The following NFIA variants were observed in gnomAD, a reference collection of about 807,000 sequenced individuals.
The protein encoded by NFIA is nuclear factor I A, also known as nuclear factor 1 A-type.
A neutral mutation model predicts 62.8 loss-of-function variants in NFIA; 8 were observed. The observed-to-expected ratio is 0.13, with a 90% CI of 0.07 to 0.23. The LOEUF (loss-of-function observed/expected upper bound fraction) is 0.23. NFIA is among the 10% of genes least tolerant of loss of function. The pLI, the probability that NFIA is intolerant of heterozygous loss-of-function variation, is 1.00. For missense variants in NFIA, 410 were observed against 642.1 expected (o/e 0.64, Z 3.91); for synonymous variants, 235 against 238.1 (o/e 0.99, Z 0.12).
chr1:61,381,008 A>T (rs1370589584), intron 6 of NFIA, among the ~76,000 whole-genome samples: 2 of 152,124 alleles, frequency 1.3e-5, no homozygotes, highest in South Asian at 2.1e-4. Context: ...TGAATTTTTC[A>T]AAGAAATCAT....
At chr1:61,290,734 A>T (rs935958399) in intron 3 of NFIA, among the ~76,000 whole-genome samples, 7 of 152,218 alleles carry the variant, frequency 4.6e-5, no homozygotes, top group South Asian at 2.1e-4. Context: ...GCAACACAAT[A>T]TCATGAAAGG....
At chr1:61,077,376 G>C, upstream of NFIA, 1 of 377,066 alleles carries the variant, frequency 2.7e-6, no homozygotes, top group Non-Finnish European at 4.7e-6. Flanking sequence ...GCGAGCGAGC[G>C]AGCGAGAGCG....
chr1:61,135,790 C>T (rs929554215), intron 2 of NFIA, among the ~76,000 whole-genome samples: 13 of 152,132 alleles, frequency 8.5e-5, no homozygotes, highest in African/African-American at 3.1e-4. Flanking sequence ...GACAGTCATC[C>T]AGGTTTACTG....
chr1:61,117,894 G>C lies in NFIA; in HGVS notation c.559+29214G>C, dbSNP rs374090121. Reference sequence around the variant, plus strand: ...AGTGGGGCACAAATTATGGAACATCGTCTGGCTGGCCGGGCGTGGTGGCTC... The same window carrying C: ...AGTGGGGCACAAATTATGGAACATCCTCTGGCTGGCCGGGCGTGGTGGCTC... On this transcript the variant is annotated intron_variant, in intron 2 of 10. Transcript: ENST00000403491. Among the ~76,000 whole-genome samples, 5 of 152,082 alleles carry C rather than the reference G, an allele frequency of 3.3e-5. No individual in the cohort carries two copies. The South Asian group carries it at 1.0e-3, about 32-fold the overall frequency.
intron 2 of NFIA, among the ~76,000 whole-genome samples, chr1:61,129,952 G>A (rs547709928): frequency 1.3e-5 from 2 of 152,268 alleles, no homozygotes; most frequent in East Asian, 1.9e-4. Flanking sequence ...GAGGGGATGC[G>A]CCTGTTAGAG....
intron 2 of NFIA, among the ~76,000 whole-genome samples, chr1:61,131,946 C>G (rs188776411): frequency 6.6e-6 from 1 of 152,174 alleles, no homozygotes; most frequent in Admixed American, 6.5e-5. Flanking sequence ...GCCCAGAAAA[C>G]CTCTACAGCT....
At chr1:61,233,752 C>T (rs1331648513) in intron 2 of NFIA, among the ~76,000 whole-genome samples, 1 of 152,164 alleles carries the variant, frequency 6.6e-6, no homozygotes, top group African/African-American at 2.4e-5. Context: ...AAACCTAGCA[C>T]AGTGCCGACG....
At chr1:61,127,761 A>C (rs1472201144) in intron 2 of NFIA, among the ~76,000 whole-genome samples, 2 of 152,204 alleles carry the variant, frequency 1.3e-5, no homozygotes, top group South Asian at 2.1e-4. Flanking sequence ...TTAAAAAAAA[A>C]GTATCCTTAA....
chr1:61,226,503 T>C (rs7515011), intron 2 of NFIA, among the ~76,000 whole-genome samples: 15,445 of 152,146 alleles, frequency 0.1, 1,107 homozygotes, highest in African/African-American at 0.19. Context: ...ACCCTGCTTC[T>C]CAGGGATTGC....
chr1:61,282,692 A>AGATAGTT (rs1392435580), intron 3 of NFIA, among the ~76,000 whole-genome samples: 2 of 152,182 alleles, frequency 1.3e-5, no homozygotes, highest in African/African-American at 4.8e-5. Context: ...GTTATCCGTG[A>AGATAGTT]AAGCATCCTT....
intron 2 of NFIA, among the ~76,000 whole-genome samples, chr1:61,160,968 G>T (rs1649157285): frequency 1.3e-5 from 2 of 152,194 alleles, no homozygotes; most frequent in Admixed American, 1.3e-4. Context: ...AGGCTGGAGT[G>T]CAGTGGCACA....
At chr1:61,132,692 CAGG>C (rs1647102367) in intron 2 of NFIA, 1 of 152,174 alleles carries the variant, frequency 6.6e-6, no homozygotes, top group Admixed American at 6.5e-5. Flanking sequence ...GTTTCTTTTT[CAGG>C]AGGAGTTGGA....
At chr1:61,189,524 G>C (rs1333298252) in intron 2 of NFIA, among the ~76,000 whole-genome samples, 1 of 151,976 alleles carries the variant, frequency 6.6e-6, no homozygotes, top group African/African-American at 2.4e-5. Context: ...AATTAGCTGG[G>C]CATGGTGGCG....
chr1:61,418,605 T>C (rs1166630437), intron 9 of NFIA, among the ~76,000 whole-genome samples: 1 of 152,240 alleles, frequency 6.6e-6, no homozygotes, highest in Non-Finnish European at 1.5e-5. Flanking sequence ...ATGATTCTTA[T>C]TTTGTCTTAT....
At chr1:61,082,279 A>G, upstream of NFIA, 1 of 334,108 alleles carries the variant, frequency 3.0e-6, no homozygotes. Flanking sequence ...AGAGCCGGGG[A>G]GCGAGCGAGC....
chr1:61,106,663 CTTA>C (rs1408305691), intron 2 of NFIA, among the ~76,000 whole-genome samples: 1 of 151,568 alleles, frequency 6.6e-6, no homozygotes, highest in African/African-American at 2.4e-5. Flanking sequence ...GGTTTAATTT[CTTA>C]TTTTCACTTT....
intron 10 of NFIA, among the ~76,000 whole-genome samples, chr1:61,447,701 A>T (rs1489175409): frequency 6.6e-6 from 1 of 152,194 alleles, no homozygotes; most frequent in African/African-American, 2.4e-5. Context: ...GATAGAATCT[A>T]TTTTTCATGA....
rs17121859 is a variant in NFIA at position 61,248,565 on chromosome 1, G to A, written c.560-28955G>A. Among the ~76,000 whole-genome samples, 162 of 152,254 alleles carry A rather than the reference G, an allele frequency of 1.1e-3. 4 individuals carry two copies. The East Asian group carries it at 0.029, about 27-fold the overall frequency. On this transcript the variant is annotated intron_variant, in intron 2 of 10. Transcript: ENST00000403491. The stretch of plus-strand genomic sequence containing the variant: ...GAGCACAGCTGCTTCCTATTGTTAA[G>A]TTGCACCGGAGAGCTCTGAGACAAT...
chr1:61,317,286 C>T (rs550360885), intron 3 of NFIA, among the ~76,000 whole-genome samples: 52 of 152,136 alleles, frequency 3.4e-4, no homozygotes, highest in African/African-American at 1.1e-3. Context: ...ATTGACCTAA[C>T]GTCCATTTCT....
Sources: gnomAD v4.1 joint callset for allele counts (sites outside exome capture counted in the v4.1 genomes callset) on GRCh38, gnomAD v4.1.1 for gene constraint, MANE v1.5 for transcripts, NCBI Gene and HGNC (gene_info 2026-07-23, HGNC 2026-07-21) for gene names.